BACH2: variants seen among roughly 807,000 people sequenced by gnomAD.
BACH2 encodes transcription regulator protein BACH2.
In BACH2, 5 loss-of-function variants were observed where a neutral mutation model predicts 61.8. That is an observed-to-expected ratio of 0.08 (90% CI 0.04 to 0.17). The LOEUF is 0.17. Among genes scored for constraint, BACH2 ranks in the 10% least tolerant of loss-of-function variants. BACH2 has a pLI of 1.00. For synonymous variants in BACH2, 446 were observed against 440.1 expected (o/e 1.01, Z -0.17); for missense variants, 824 against 1,091.1 (o/e 0.76, Z 3.45).
chr6:90,013,670 C>T (rs986820095), intron 5 of BACH2, among the ~76,000 whole-genome samples: 9 of 151,586 alleles, frequency 5.9e-5, no homozygotes, highest in African/African-American at 2.2e-4. Context: ...CCATGCCAGG[C>T]TAATTTTTTT....
intron 4 of BACH2, among the ~76,000 whole-genome samples, chr6:90,094,325 G>A (rs1346658290): frequency 6.6e-6 from 1 of 152,134 alleles, no homozygotes; most frequent in Non-Finnish European, 1.5e-5. Context: ...TGGCTTTAAT[G>A]GGATTTGATG....
At chr6:90,102,581 G>T (rs1782686221) in intron 4 of BACH2, among the ~76,000 whole-genome samples, 1 of 151,944 alleles carries the variant, frequency 6.6e-6, no homozygotes, top group African/African-American at 2.4e-5. Flanking sequence ...TTGAGGTCAG[G>T]AGTTCAAGAC....
intron 8 of BACH2, 106 bp downstream of exon 8, chr6:89,938,038 C>T: frequency 9.5e-7 from 1 of 1,056,684 alleles, no homozygotes; most frequent in Non-Finnish European, 1.4e-6. Context: ...ACCCAAACTT[C>T]CGCAAAGGGT....
chr6:90,005,617 C>G (rs1777365169), intron 6 of BACH2, among the ~76,000 whole-genome samples: 1 of 152,150 alleles, frequency 6.6e-6, no homozygotes, highest in Admixed American at 6.5e-5. Flanking sequence ...AAACAATGCC[C>G]AGCACGTGGG....
intron 3 of BACH2, among the ~76,000 whole-genome samples, chr6:90,220,807 G>C (rs1257922256): frequency 1.3e-5 from 2 of 152,092 alleles, no homozygotes; most frequent in Admixed American, 6.6e-5. Flanking sequence ...TTAATAAAAA[G>C]AAAGAAAAAT....
intron 4 of BACH2, among the ~76,000 whole-genome samples, chr6:90,117,628 G>C (rs1783457738): frequency 6.6e-6 from 1 of 152,052 alleles, no homozygotes; most frequent in Non-Finnish European, 1.5e-5. Flanking sequence ...CACCTAGACT[G>C]CTACCTAAGA....
At chr6:90,033,218 G>A (rs947862600) in intron 5 of BACH2, among the ~76,000 whole-genome samples, 14 of 151,936 alleles carry the variant, frequency 9.2e-5, no homozygotes, top group African/African-American at 2.9e-4. Flanking sequence ...GGGGAGGAGG[G>A]AGGGGGGAGG....
chr6:90,033,198 G>A lies in BACH2; in HGVS notation c.-12-24342C>T, dbSNP rs1300933789. Reference sequence around the variant, plus strand: ...CAGGAAGGGGAACATCACACACTGGGGCCTGTTTTGGGGAGGAGGGAGGGG... The same window carrying A: ...CAGGAAGGGGAACATCACACACTGGAGCCTGTTTTGGGGAGGAGGGAGGGG... On this transcript the variant is annotated intron_variant, in intron 5 of 8. Coordinates refer to ENST00000257749, the MANE Select transcript of BACH2 (RefSeq NM_021813.4). 3.3e-5 allele frequency among the ~76,000 whole-genome samples: 5 copies of A among 151,812 alleles called. No homozygotes were observed. In the South Asian group the frequency reaches 1.0e-3, roughly 32 times the overall value.
Position 90,011,929 on chromosome 6 carries a change from A to T in BACH2, c.-12-3073T>A, listed in dbSNP as rs1262327166. Among the ~76,000 whole-genome samples, 75 of 78,964 alleles carry T rather than the reference A, an allele frequency of 9.5e-4. No individual in the cohort carries two copies. In the South Asian group the frequency reaches 0.016, roughly 17 times the overall value. 51.8% of individuals were successfully genotyped at this position (78,964 alleles called of 152,430 possible). Reference sequence around the variant, plus strand: ...AGCAAGACTCTGTCTCAAAAAAAAAAATATGTGTGTGTGTGTGTGTGTGTG... The same window carrying T: ...AGCAAGACTCTGTCTCAAAAAAAAATATATGTGTGTGTGTGTGTGTGTGTG... On this transcript the variant is annotated intron_variant, in intron 5 of 8. Coordinates refer to ENST00000257749, the MANE Select transcript of BACH2 (RefSeq NM_021813.4).
intron 6 of BACH2, among the ~76,000 whole-genome samples, chr6:89,961,646 C>T (rs1774750877): frequency 6.6e-6 from 1 of 152,146 alleles, no homozygotes; most frequent in South Asian, 2.1e-4. Flanking sequence ...GAAGTTTGGC[C>T]CCTCATTAGC....
At chr6:90,139,481 C>T (rs1226366039) in intron 4 of BACH2, among the ~76,000 whole-genome samples, 2 of 152,188 alleles carry the variant, frequency 1.3e-5, no homozygotes, top group East Asian at 1.9e-4. Context: ...GAGCTGTCTT[C>T]GCTTATAGAC....
At chr6:90,122,008 C>G (rs1459927373) in intron 4 of BACH2, among the ~76,000 whole-genome samples, 1 of 152,158 alleles carries the variant, frequency 6.6e-6, no homozygotes, top group Non-Finnish European at 1.5e-5. Flanking sequence ...ATGACCCTTC[C>G]AAGTAAGAAA....
intron 5 of BACH2, among the ~76,000 whole-genome samples, chr6:90,026,530 A>C (rs1778645668): frequency 6.6e-6 from 1 of 152,136 alleles, no homozygotes; most frequent in Non-Finnish European, 1.5e-5. Context: ...AGTTAGATTC[A>C]TCTGACCAGG....
At chr6:90,089,735 CT>C in intron 4 of BACH2, among the ~76,000 whole-genome samples, 1 of 152,238 alleles carries the variant, frequency 6.6e-6, no homozygotes, top group Admixed American at 6.5e-5. Flanking sequence ...GGGTCTGAAA[CT>C]CCTTCACCGA....
chr6:89,995,448 G>C (rs1776793257), intron 6 of BACH2, among the ~76,000 whole-genome samples: 1 of 152,142 alleles, frequency 6.6e-6, no homozygotes. Context: ...ATGAATATTT[G>C]GATCAGAAGA....
chr6:90,290,168 G>A (rs1772136219), intron 1 of BACH2, among the ~76,000 whole-genome samples: 1 of 152,214 alleles, frequency 6.6e-6, no homozygotes, highest in Non-Finnish European at 1.5e-5. Context: ...GGAAGCTGGA[G>A]AAAAAGTGAA....
intron 4 of BACH2, among the ~76,000 whole-genome samples, chr6:90,185,138 A>G (rs1768309990): frequency 6.6e-6 from 1 of 152,192 alleles, no homozygotes; most frequent in Non-Finnish European, 1.5e-5. Flanking sequence ...TGATAAGTCA[A>G]TGGGGGGAGA....
intron 3 of BACH2, among the ~76,000 whole-genome samples, chr6:90,209,173 G>C (rs1294557476): frequency 2.6e-5 from 4 of 152,092 alleles, no homozygotes; most frequent in Non-Finnish European, 4.4e-5. Context: ...TGAATGTTGT[G>C]CACATGTATC....
intron 6 of BACH2, among the ~76,000 whole-genome samples, chr6:89,965,157 G>T (rs114177067): frequency 0.017 from 2,579 of 152,268 alleles, 72 homozygotes; most frequent in African/African-American, 0.058. Flanking sequence ...GAAGTGCTGG[G>T]ATTACAGGCA....
Sources: allele counts gnomAD v4.1 joint callset (sites outside exome capture counted in the v4.1 genomes callset), GRCh38; gene constraint gnomAD v4.1.1; transcripts MANE v1.5; gene names NCBI Gene and HGNC (gene_info 2026-07-23, HGNC 2026-07-21).